The following PDE4D variants were observed in gnomAD, a reference collection of about 807,000 sequenced individuals.
PDE4D encodes 3',5'-cyclic-AMP phosphodiesterase 4D.
In PDE4D, 24 loss-of-function variants were observed where a neutral mutation model predicts 87.4. That is an observed-to-expected ratio of 0.27 (90% CI 0.20 to 0.39). The LOEUF (loss-of-function observed/expected upper bound fraction) is 0.39. Among genes scored for constraint, PDE4D ranks in the 10% least tolerant of loss-of-function variants. PDE4D has a pLI of 1.00. For missense variants in PDE4D, 714 were observed against 1,041.0 expected (o/e 0.69, Z 4.32); for synonymous variants, 384 against 383.2 (o/e 1.00, Z -0.02).
intron 5 of PDE4D, among the ~76,000 whole-genome samples, chr5:59,074,548 A>T (rs1397956476): frequency 6.6e-6 from 1 of 152,186 alleles, no homozygotes; most frequent in Non-Finnish European, 1.5e-5. Flanking sequence ...GCTTGAGGCC[A>T]GGAGTTCCAG....
In PDE4D at chr5:59,989,113, T is replaced by TAC. The variant is rs1554129380; in HGVS notation, c.43-397_43-396insGT. On this transcript the variant is annotated intron_variant, in intron 2 of 16. Transcript: ENST00000502484. ...ATATATATATATATATATATATATA[T>TAC]ATACACACACACACATACAGTTATG... Among the ~76,000 whole-genome samples the TAC allele has an allele frequency of 2.4e-3, 323 of 133,506 alleles. 1 individual carries two copies. The highest frequency in any genetic ancestry group is 0.016 in the South Asian group (65 of 4,140). The allele number at this position is 133,506 out of a possible 152,430, so 87.6% of individuals were successfully genotyped here.
At chr5:59,515,429 C>T (rs1034146737) in intron 1 of PDE4D, among the ~76,000 whole-genome samples, 5 of 152,032 alleles carry the variant, frequency 3.3e-5, no homozygotes, top group African/African-American at 9.7e-5. Flanking sequence ...GAGAAGCATC[C>T]GTGCAGCCAG....
chr5:59,038,385 T>C (rs755481462), intron 6 of PDE4D, among the ~76,000 whole-genome samples: 8 of 152,294 alleles, frequency 5.3e-5, no homozygotes, highest in Non-Finnish European at 1.2e-4. Flanking sequence ...CAACTGAATA[T>C]ATAAAGGCTC....
At chr5:60,209,745 A>G (rs1742973258) in intron 1 of PDE4D, among the ~76,000 whole-genome samples, 1 of 151,768 alleles carries the variant, frequency 6.6e-6, no homozygotes, top group Admixed American at 6.6e-5. Context: ...AGGGAGGGGG[A>G]GAAAAGGAGG....
At chr5:59,309,792 C>T (rs1383331629) in intron 1 of PDE4D, among the ~76,000 whole-genome samples, 1 of 152,300 alleles carries the variant, frequency 6.6e-6, no homozygotes, top group East Asian at 1.9e-4. Flanking sequence ...AAATCTACTT[C>T]TGTCTCTTGG....
At chr5:60,218,268 TATC>T (rs1475497802) in intron 1 of PDE4D, among the ~76,000 whole-genome samples, 1 of 151,924 alleles carries the variant, frequency 6.6e-6, no homozygotes, top group Non-Finnish European at 1.5e-5. Context: ...AAATATAAGG[TATC>T]ATTCCATTTC....
intron 2 of PDE4D, among the ~76,000 whole-genome samples, chr5:60,032,325 A>G (rs994296119): frequency 1.3e-5 from 2 of 152,190 alleles, no homozygotes; most frequent in African/African-American, 2.4e-5. Context: ...TGAATAATTC[A>G]GGCTATTTAG....
At chr5:59,657,998 C>T (rs1744645661) in intron 1 of PDE4D, among the ~76,000 whole-genome samples, 1 of 152,066 alleles carries the variant, frequency 6.6e-6, no homozygotes, top group Admixed American at 6.6e-5. Context: ...TGGCTTTAAC[C>T]TCCCTATGTA....
upstream of PDE4D, chr5:60,490,748 C>G (rs1242569859): frequency 6.6e-6 from 1 of 152,142 alleles, no homozygotes; most frequent in East Asian, 1.9e-4. Context: ...TTAAGATGAT[C>G]CCAATAAAAG....
At chr5:60,191,271 T>C (rs1335393089) in intron 1 of PDE4D, among the ~76,000 whole-genome samples, 3 of 152,180 alleles carry the variant, frequency 2.0e-5, no homozygotes, top group African/African-American at 4.8e-5. Context: ...GGCATTGATA[T>C]GGTTTGGCTG....
At chr5:59,002,114 A>G (rs1280977576) in intron 6 of PDE4D, 1 of 505,550 alleles carries the variant, frequency 2.0e-6, no homozygotes, top group East Asian at 5.5e-5. Context: ...TGAGAGAAAT[A>G]GAAAGTAACT....
At chr5:60,511,309 G>T (rs1052830510) in intron 1 of PDE4D, among the ~76,000 whole-genome samples, 6 of 152,062 alleles carry the variant, frequency 3.9e-5, no homozygotes, top group Non-Finnish European at 7.4e-5. Context: ...TGTTGTTAGA[G>T]ACTCAATAAA....
At chr5:59,508,315 A>G (rs1324541660) in intron 1 of PDE4D, among the ~76,000 whole-genome samples, 2 of 152,190 alleles carry the variant, frequency 1.3e-5, no homozygotes, top group Non-Finnish European at 2.9e-5. Flanking sequence ...CATATTTAAA[A>G]CAAATATTTC....
At chr5:60,343,963 C>T (rs527603140) in intron 1 of PDE4D, among the ~76,000 whole-genome samples, 1 of 139,328 alleles carries the variant, frequency 7.2e-6, no homozygotes, top group African/African-American at 3.2e-5. Flanking sequence ...CTTAAGATGA[C>T]TCATCTTTTT....
chr5:60,028,254 T>C (rs1371710194), intron 2 of PDE4D, among the ~76,000 whole-genome samples: 1 of 152,158 alleles, frequency 6.6e-6, no homozygotes, highest in Non-Finnish European at 1.5e-5. Flanking sequence ...CTTTTTCCTT[T>C]AGCTTCATGT....
intron 1 of PDE4D, among the ~76,000 whole-genome samples, chr5:60,502,030 G>T (rs1004558529): frequency 2.6e-4 from 39 of 152,020 alleles, no homozygotes; most frequent in African/African-American, 8.9e-4. Flanking sequence ...GTCAATTTTG[G>T]CTTTGGTTGC....
At chr5:59,324,711 C>T (rs1209792525) in intron 1 of PDE4D, among the ~76,000 whole-genome samples, 4 of 152,160 alleles carry the variant, frequency 2.6e-5, no homozygotes, top group East Asian at 3.9e-4. Flanking sequence ...AGACTCAGGC[C>T]GCCTTTGATA....
intron 5 of PDE4D, among the ~76,000 whole-genome samples, chr5:59,072,365 G>T (rs1324422012): frequency 6.6e-6 from 1 of 152,038 alleles, no homozygotes. Context: ...TCTATATTTG[G>T]CAGCCTCTAT....
chr5:59,615,464 G>A (rs534881833), intron 1 of PDE4D, among the ~76,000 whole-genome samples: 35 of 151,834 alleles, frequency 2.3e-4, no homozygotes, highest in Admixed American at 1.9e-3. Context: ...ATTCCCCCAC[G>A]AAATACTCAT....
Sources: allele counts gnomAD v4.1 joint callset (sites outside exome capture counted in the v4.1 genomes callset), GRCh38; gene constraint gnomAD v4.1.1; transcripts MANE v1.5; gene names NCBI Gene and HGNC (gene_info 2026-07-23, HGNC 2026-07-21).